NRF1: variants seen among roughly 807,000 people sequenced by gnomAD.
NRF1 encodes the protein nuclear respiratory factor 1.
Under a neutral mutation model 58.5 loss-of-function variants are expected in NRF1, and 5 were observed. That is an observed-to-expected ratio of 0.09 (90% confidence interval 0.04 to 0.18). NRF1 has a LOEUF of 0.18. Ranked by LOEUF, NRF1 falls within the 10% of genes least tolerant of loss-of-function variation. NRF1 has a pLI of 1.00. For synonymous variants in NRF1, 224 were observed against 246.7 expected (o/e 0.91, Z 0.86); for missense variants, 288 against 657.7 (o/e 0.44, Z 6.15).
intron 4 of NRF1, 45 bp downstream of exon 4, chr7:129,677,803 C>A (rs746648386): frequency 6.2e-7 from 1 of 1,606,394 alleles, no homozygotes; most frequent in Admixed American, 1.7e-5. Flanking sequence ...TGCTTTCTGT[C>A]GGCTGCTTCC....
chr7:129,628,190 C>G (rs1339559040), intron 1 of NRF1, among the ~76,000 whole-genome samples: 2 of 151,432 alleles, frequency 1.3e-5, no homozygotes, highest in Non-Finnish European at 2.9e-5. Flanking sequence ...ACTACAGGTG[C>G]CCGCCACCAC....
At chr7:129,691,767 G>A (rs1802574979) in intron 5 of NRF1, among the ~76,000 whole-genome samples, 2 of 152,034 alleles carry the variant, frequency 1.3e-5, no homozygotes, top group Non-Finnish European at 2.9e-5. Flanking sequence ...ACTCCTTAAA[G>A]CATCTTCTCT....
intron 2 of NRF1, among the ~76,000 whole-genome samples, chr7:129,668,752 T>C (rs1393922848): frequency 1.3e-5 from 2 of 152,202 alleles, no homozygotes; most frequent in African/African-American, 4.8e-5. Context: ...TACTATATGA[T>C]TTACTACTTA....
At chr7:129,704,141 C>T (rs1299948598) in intron 5 of NRF1, among the ~76,000 whole-genome samples, 2 of 151,434 alleles carry the variant, frequency 1.3e-5, no homozygotes, top group Admixed American at 6.6e-5. Context: ...GCTCAAGGAC[C>T]GAGCAGAACA....
chr7:129,614,561 C>T (rs1272474385), intron 1 of NRF1, among the ~76,000 whole-genome samples: 1 of 151,392 alleles, frequency 6.6e-6, no homozygotes, highest in Non-Finnish European at 1.5e-5. Context: ...AAGGAATGCA[C>T]CCACCTCAGC....
intron 5 of NRF1, among the ~76,000 whole-genome samples, chr7:129,691,366 T>TATTTA (rs1554409662): frequency 7.4e-6 from 1 of 134,700 alleles, no homozygotes; most frequent in African/African-American, 2.6e-5. Flanking sequence ...TTATTATTAT[T>TATTTA]TTTTTTTTTT....
chr7:129,622,570 T>C (rs530399957), intron 1 of NRF1, among the ~76,000 whole-genome samples: 1 of 139,538 alleles, frequency 7.2e-6, no homozygotes, highest in African/African-American at 2.5e-5. Context: ...TCTTTTCTTT[T>C]CTTTTTTTTT....
chr7:129,618,857 C>A (rs527448596), intron 1 of NRF1, among the ~76,000 whole-genome samples: 2 of 152,148 alleles, frequency 1.3e-5, no homozygotes, highest in African/African-American at 4.8e-5. Flanking sequence ...ATTTGTGTTT[C>A]ATATACATCT....
intron 4 of NRF1, among the ~76,000 whole-genome samples, chr7:129,685,189 A>G (rs558446891): frequency 3.3e-5 from 5 of 152,220 alleles, no homozygotes; most frequent in African/African-American, 1.2e-4. Flanking sequence ...GAATACAAAA[A>G]AATTATGGTA....
At chr7:129,660,567 G>A (rs946685308) in intron 2 of NRF1, among the ~76,000 whole-genome samples, 5 of 150,898 alleles carry the variant, frequency 3.3e-5, no homozygotes, top group Non-Finnish European at 7.3e-5. Flanking sequence ...ATGCAAGTCC[G>A]AAATCCAGCA....
chr7:129,751,055 G>A (rs1804103729), intron 10 of NRF1, among the ~76,000 whole-genome samples: 2 of 152,210 alleles, frequency 1.3e-5, no homozygotes, highest in Non-Finnish European at 2.9e-5. Flanking sequence ...GATGAATGAG[G>A]CCGCTGTCTC....
In NRF1 at chr7:129,657,499, G is replaced by T; in HGVS notation, c.148G>T (p.Asp50Tyr). The stretch of plus-strand genomic sequence containing the variant: ...TGAAGACTCGCCTTCTTCTCCCGAG[G>T]ACACCTCTTACGATGACTCAGATAT... ...ADEDSPSSPE[D>Y]TSYDDSDILN... Residue 50 changes from aspartate (D) to tyrosine (Y), a missense_variant, in exon 2 of 11, where the codon GAC becomes TAC. This residue lies in a region of NRF1 where 48 missense variants were observed against 65.5 expected (regional missense o/e 0.73). Transcript: ENST00000393232. The T allele has an allele frequency of 6.2e-7, 1 of 1,614,016 alleles. No individual in the cohort carries two copies. The highest frequency in any genetic ancestry group is 8.5e-7 in the Non-Finnish European group (1 of 1,179,994).
At chr7:129,671,306 A>C in intron 2 of NRF1, 123 bp from the exon 3 acceptor site, 1 of 603,476 alleles carries the variant, frequency 1.7e-6, no homozygotes, top group Non-Finnish European at 3.0e-6. Flanking sequence ...TATCAGGATC[A>C]TTCTTTATTT....
At chr7:129,661,991 T>C (rs2151077997) in intron 2 of NRF1, among the ~76,000 whole-genome samples, 1 of 150,854 alleles carries the variant, frequency 6.6e-6, no homozygotes, top group East Asian at 1.9e-4. Flanking sequence ...GCAAGTCATG[T>C]CTTACATGGA....
intron 10 of NRF1, chr7:129,735,163 G>T: frequency 1.0e-6 from 1 of 985,400 alleles, no homozygotes; most frequent in Non-Finnish European, 1.2e-6. Context: ...CACCTATGCT[G>T]CCCTGGTTAA....
At chr7:129,687,348 T>C (rs1802465157) in intron 4 of NRF1, among the ~76,000 whole-genome samples, 1 of 151,150 alleles carries the variant, frequency 6.6e-6, no homozygotes, top group South Asian at 2.1e-4. Context: ...AAATCTCAGC[T>C]CACTGCAACC....
intron 4 of NRF1, among the ~76,000 whole-genome samples, chr7:129,688,734 C>T (rs561272547): frequency 6.6e-6 from 1 of 152,078 alleles, no homozygotes; most frequent in East Asian, 1.9e-4. Context: ...GAGGGAATGC[C>T]GGTGGAACTG....
chr7:129,754,561 A>AG (rs1343946183), intron 10 of NRF1, among the ~76,000 whole-genome samples: 3 of 144,214 alleles, frequency 2.1e-5, no homozygotes, highest in Non-Finnish European at 4.5e-5. Context: ...AGGGTTGGGG[A>AG]GGGGGGCAGG....
intron 8 of NRF1, among the ~76,000 whole-genome samples, chr7:129,716,357 A>G (rs1584667070): frequency 1.3e-5 from 2 of 152,304 alleles, no homozygotes; most frequent in East Asian, 1.9e-4. Context: ...CAAAGGGTCT[A>G]GAGTACTGGT....
Sources: allele counts gnomAD v4.1 joint callset (sites outside exome capture counted in the v4.1 genomes callset), GRCh38; gene constraint gnomAD v4.1.1; regional missense constraint gnomAD v4.1.1; transcripts MANE v1.5; gene names NCBI Gene and HGNC (gene_info 2026-07-23, HGNC 2026-07-21).